Variants in EHMT1 observed in about 807,000 individuals in gnomAD.
EHMT1 encodes histone-lysine N-methyltransferase EHMT1.
EHMT1 carries 15 observed loss-of-function variants against 147.2 expected under a neutral mutation model. The observed-to-expected ratio is 0.10, with a 90% CI of 0.07 to 0.16. The LOEUF is 0.16. Among genes scored for constraint, EHMT1 ranks in the 10% least tolerant of loss-of-function variants. EHMT1 has a pLI of 1.00. For synonymous variants in EHMT1, 795 were observed against 709.6 expected, an observed-to-expected ratio of 1.12 and a Z score of -1.91; for missense variants, 1,587 against 1,772.4, an observed-to-expected ratio of 0.90 and a Z score of 1.88.
At chr9:137,757,833 G>A (rs1949497027) in intron 8 of EHMT1, 47 bp from the exon 9 acceptor site, 5 of 1,611,062 alleles carry the variant, frequency 3.1e-6, no homozygotes, top group South Asian at 2.2e-5. Flanking sequence ...GGGTGGGTGC[G>A]GCCGCCTGGG....
rs556014211 is a variant in EHMT1, at chr9:137,712,011, A to C, written c.85+981A>C. On this transcript the variant is annotated intron_variant, in intron 2 of 26. Transcript: ENST00000460843. The stretch of plus-strand genomic sequence containing the variant: ...GTTCTCGTCCACCCACTGGCTGTGC[A>C]CTGTGGTGACCGCTGCCCGCCTCTG... 1.2e-4 allele frequency among the ~76,000 whole-genome samples: 19 copies of C among 152,220 alleles called. No individual in the cohort carries two copies. In the East Asian group the frequency reaches 3.7e-3, roughly 29 times the overall value.
intron 10 of EHMT1, 44 bp downstream of exon 10, chr9:137,762,864 TGAGA>T: frequency 1.2e-6 from 2 of 1,611,394 alleles, no homozygotes; most frequent in South Asian, 2.2e-5. Context: ...GAGGAGTGAG[TGAGA>T]AAGCCCAGCC....
chr9:137,656,480 C>G (rs139266027), intron 1 of EHMT1, among the ~76,000 whole-genome samples: 161 of 152,350 alleles, frequency 1.1e-3, no homozygotes, highest in African/African-American at 3.7e-3. Context: ...TTCGAAGTTT[C>G]CTGTTAACTA....
intron 9 of EHMT1, among the ~76,000 whole-genome samples, chr9:137,758,660 TTTACATTCCCCACAGATC>T (rs1949565794): frequency 6.6e-6 from 1 of 152,210 alleles, no homozygotes; most frequent in South Asian, 2.1e-4. Flanking sequence ...GCAAATCTTA[TTTACATTCCCCACAGATC>T]TTACTGGTGT....
chr9:137,743,260 C>T, intron 4 of EHMT1, 111 bp from the exon 5 acceptor site: 1 of 1,396,004 alleles, frequency 7.2e-7, no homozygotes, highest in South Asian at 1.3e-5. Context: ...ATGGGGTTTG[C>T]TGGTGATTTT....
chr9:137,710,326 A>G (rs1944589679), intron 1 of EHMT1, among the ~76,000 whole-genome samples: 1 of 152,134 alleles, frequency 6.6e-6, no homozygotes, highest in Non-Finnish European at 1.5e-5. Flanking sequence ...CACAAAAAGC[A>G]TCTGGGTGTG....
chr9:137,669,378 G>GCACCA (rs1564562663), intron 1 of EHMT1, among the ~76,000 whole-genome samples: 290 of 3,138 alleles, frequency 0.092, no homozygotes, highest in Middle Eastern at 0.2. Context: ...ACGTGCACTG[G>GCACCA]ACTCCACCCA....
At chr9:137,765,628 C>T (rs1286919209) in intron 10 of EHMT1, among the ~76,000 whole-genome samples, 2 of 151,342 alleles carry the variant, frequency 1.3e-5, no homozygotes, top group African/African-American at 2.4e-5. Flanking sequence ...AGAAGCGGAG[C>T]CTGACCCCCC....
chr9:137,811,348 A>G (rs1588846146), intron 18 of EHMT1, 113 bp from the exon 19 acceptor site: 1 of 1,488,980 alleles, frequency 6.7e-7, no homozygotes. Context: ...GCGGACGGCC[A>G]CGCATGCTCC....
At chr9:137,725,936 C>G (rs1412991085) in intron 3 of EHMT1, among the ~76,000 whole-genome samples, 1 of 152,136 alleles carries the variant, frequency 6.6e-6, no homozygotes, top group African/African-American at 2.4e-5. Context: ...CCTGCCTCAC[C>G]TGTAACCTCC....
intron 9 of EHMT1, among the ~76,000 whole-genome samples, chr9:137,761,836 GTTTAACA>G: frequency 6.6e-6 from 1 of 152,340 alleles, no homozygotes; most frequent in Middle Eastern, 3.4e-3. Flanking sequence ...TGCTTTGACT[GTTTAACA>G]AAAAAGAAAA....
At chr9:137,681,543 G>A (rs183402698) in intron 1 of EHMT1, among the ~76,000 whole-genome samples, 88 of 152,264 alleles carry the variant, frequency 5.8e-4, no homozygotes, top group African/African-American at 1.9e-3. Context: ...CAGCAATTCA[G>A]AATTGTCCAC....
chr9:137,804,358 T>C (rs1953753197), intron 18 of EHMT1, among the ~76,000 whole-genome samples: 1 of 152,230 alleles, frequency 6.6e-6, no homozygotes, highest in Non-Finnish European at 1.5e-5. Flanking sequence ...TTCAGTTCAT[T>C]TCATTTCTCT....
intron 3 of EHMT1, among the ~76,000 whole-genome samples, chr9:137,726,557 C>T (rs1354917759): frequency 1.3e-5 from 2 of 152,028 alleles, no homozygotes; most frequent in East Asian, 3.9e-4. Flanking sequence ...CTTTTGGCTG[C>T]TGTGGTTGAT....
intron 1 of EHMT1, among the ~76,000 whole-genome samples, chr9:137,680,240 G>T (rs1589235728): frequency 6.6e-6 from 1 of 152,136 alleles, no homozygotes; most frequent in South Asian, 2.1e-4. Context: ...CTGGGAGGCC[G>T]AGGCGAGTGG....
rs1369371226 is a variant in EHMT1 at position 137,817,443 on chromosome 9, A to C, written c.3379A>C (p.Arg1127=). ...CCACTACTCTCTATTTTTCAGGGCA[A>C]GGCTGCAGCTCTACCGGACGCGGGA... ...NRVVQNGLRA[R]LQLYRTRDMG... Residue 1127 remains arginine, a synonymous_variant, in exon 24 of 27, where the codon AGG becomes CGG. Transcript: ENST00000460843. 4 of 1,614,148 alleles carry C rather than the reference A, an allele frequency of 2.5e-6. No individual in the cohort carries two copies. Among genetic ancestry groups the C allele is most frequent in the Non-Finnish European group, 3.4e-6 (4 of 1,180,028 alleles).
At chr9:137,708,406 C>T (rs557268025) in intron 1 of EHMT1, among the ~76,000 whole-genome samples, 1 of 152,330 alleles carries the variant, frequency 6.6e-6, no homozygotes, top group Non-Finnish European at 1.5e-5. Flanking sequence ...GACCTTCTTC[C>T]TCTGTGACAT....
intron 25 of EHMT1, among the ~76,000 whole-genome samples, chr9:137,833,868 A>G (rs1023301930): frequency 1.3e-5 from 2 of 152,052 alleles, no homozygotes; most frequent in Non-Finnish European, 2.9e-5. Context: ...GTCTTCCCAG[A>G]CCCTCTGGGG....
intron 1 of EHMT1, among the ~76,000 whole-genome samples, chr9:137,677,325 G>C (rs902716339): frequency 6.6e-6 from 1 of 151,720 alleles, no homozygotes; most frequent in African/African-American, 2.4e-5. Flanking sequence ...GTAGAGACGG[G>C]GGTTTTGCCA....
Sources: allele counts gnomAD v4.1 joint callset (sites outside exome capture counted in the v4.1 genomes callset), GRCh38; gene constraint gnomAD v4.1.1; transcripts MANE v1.5; gene names NCBI Gene and HGNC (gene_info 2026-07-23, HGNC 2026-07-21).